ZDBF2: variants seen among roughly 807,000 people sequenced by gnomAD.
ZDBF2 encodes the protein zinc finger DBF-type containing 2, also known as DBF4-type zinc finger-containing protein 2.
In ZDBF2, 6 loss-of-function variants were observed where a neutral mutation model predicts 9.4. The ratio of observed to expected loss-of-function variants is 0.64; its 90% CI spans 0.35 to 1.27. The LOEUF is 1.27. Among genes scored for constraint, ZDBF2 ranks in the 50% most tolerant of loss-of-function variants. The pLI, the probability that ZDBF2 is intolerant of heterozygous loss-of-function variation, is 0.03. For missense variants in ZDBF2, 2,697 were observed against 2,766.8 expected (o/e 0.97, Z 0.57); for synonymous variants, 905 against 946.3 (o/e 0.96, Z 0.80).
intron 4 of ZDBF2, 127 bp downstream of exon 4, chr2:206,297,500 C>G (rs1161066864): frequency 1.1e-6 from 1 of 918,432 alleles, no homozygotes; most frequent in Non-Finnish European, 1.6e-6. Flanking sequence ...ATTTTAGTAA[C>G]TTTCATTTGC....
At chr2:206,292,107 C>T (rs556501959) in intron 3 of ZDBF2, 1 of 398,260 alleles carries the variant, frequency 2.5e-6, no homozygotes, top group Admixed American at 4.4e-5. Context: ...TAATGAAGAA[C>T]AGTGGAAAGG....
intron 4 of ZDBF2, among the ~76,000 whole-genome samples, chr2:206,300,074 A>T (rs1486901157): frequency 3.9e-5 from 6 of 152,036 alleles, no homozygotes; most frequent in Non-Finnish European, 8.8e-5. Context: ...GTGCCATTGC[A>T]CTCCAGCCTG....
chr2:206,306,684 A>T lies in ZDBF2; in HGVS notation c.2156A>T (p.His719Leu), dbSNP rs779052950. ...DSPASLYHSA[H>L]DEPQEALDEV... ...CCGGCTTCTCTTTATCATTCAGCTCATGATGAGCCTCAAGAAGCTTTGGAT... is the reference window on the plus strand; with the variant it reads ...CCGGCTTCTCTTTATCATTCAGCTCTTGATGAGCCTCAAGAAGCTTTGGAT... The change falls in exon 5 of 5, where the codon CAT becomes CTT. Residue 719 changes from histidine to leucine, a missense_variant. By Grantham distance (99) the His-to-Leu change is moderately conservative (BLOSUM62 -3). Coordinates refer to ENST00000374423, the MANE Select transcript of ZDBF2 (RefSeq NM_020923.3). The T allele has an allele frequency of 8.1e-6, 13 of 1,613,768 alleles. No homozygotes were observed. Among genetic ancestry groups the T allele is most frequent in the Non-Finnish European group, 1.1e-5 (13 of 1,179,804 alleles).
intron 3 of ZDBF2, among the ~76,000 whole-genome samples, chr2:206,291,457 T>A (rs942494069): frequency 1.3e-5 from 2 of 152,160 alleles, no homozygotes; most frequent in African/African-American, 4.8e-5. Context: ...GACCAATACC[T>A]AACAGCCCTT....
At position 206,309,945 on chromosome 2, in the gene ZDBF2, A is replaced by G. The variant is rs751919064; in HGVS notation, c.5417A>G (p.Asp1806Gly). 1.2e-6 allele frequency: 2 copies of G among 1,613,880 alleles called. No homozygotes were observed. Among genetic ancestry groups the G allele is most frequent in the South Asian group, 2.2e-5 (2 of 91,042 alleles). The change falls in exon 5 of 5, where the codon GAT becomes GGT. Residue 1806 changes from aspartate (D) to glycine (G), a missense_variant. Coordinates refer to ENST00000374423, the MANE Select transcript of ZDBF2 (RefSeq NM_020923.3). ...DSVRNLKKAK[D>G]VIEDNPDEPV... ...GTAAGGAACCTGAAAAAAGCAAAGG[A>G]TGTCATAGAGGATAATCCTGATGAA...
chr2:206,301,078 A>G (rs545829376), intron 4 of ZDBF2, among the ~76,000 whole-genome samples: 214 of 152,268 alleles, frequency 1.4e-3, no homozygotes, highest in Non-Finnish European at 2.1e-3. Flanking sequence ...AGATATACAT[A>G]CTGATAATCC....
intron 1 of ZDBF2, among the ~76,000 whole-genome samples, 176 bp from the exon 2 acceptor site, chr2:206,279,364 A>G (rs917914603): frequency 7.9e-5 from 12 of 152,178 alleles, no homozygotes; most frequent in African/African-American, 2.7e-4. Context: ...TTAGGAGGTC[A>G]TGTGTGAGAT....
chr2:206,310,446 CACGTTT>C lies in ZDBF2; in HGVS notation c.5921_5926del (p.Arg1974_Leu1975del). On this transcript the variant is annotated inframe_deletion, in exon 5 of 5. Coordinates refer to ENST00000374423, the MANE Select transcript of ZDBF2 (RefSeq NM_020923.3). Reference sequence around the variant, plus strand: ...GAAGACCCACCAAAAAGTAAGTGTTCACGTTTACAGGATGACAGAAAAACCAAAAAG... The same window carrying C: ...GAAGACCCACCAAAAAGTAAGTGTTCACAGGATGACAGAAAAACCAAAAAG... The C allele has an allele frequency of 6.2e-7, 1 of 1,613,890 alleles. No individual in the cohort carries two copies. Among genetic ancestry groups the C allele is most frequent in the Non-Finnish European group, 8.5e-7 (1 of 1,179,860 alleles).
intron 3 of ZDBF2, among the ~76,000 whole-genome samples, chr2:206,287,391 A>G (rs1691657967): frequency 6.6e-6 from 1 of 152,188 alleles, no homozygotes; most frequent in African/African-American, 2.4e-5. Context: ...CTTTCAATAT[A>G]TCATCCCATT....
chr2:206,306,009 C>T lies in ZDBF2; in HGVS notation c.1481C>T (p.Thr494Met), dbSNP rs545833067. Residue 494 changes from threonine (T) to methionine (M), a missense_variant, in exon 5 of 5, where the codon ACG (threonine) becomes ATG (methionine). Coordinates refer to ENST00000374423, the MANE Select transcript of ZDBF2 (RefSeq NM_020923.3). ...AGCTATGAATCTAGTAGTTCTGAAACGAATTTTGATTGTGATGCTTCACCT... is the reference window on the plus strand; with the variant it reads ...AGCTATGAATCTAGTAGTTCTGAAATGAATTTTGATTGTGATGCTTCACCT... Reference protein sequence around the residue: ...DQSYESSSSETNFDCDASPQS... With the variant: ...DQSYESSSSEMNFDCDASPQS... The T allele has an allele frequency of 2.5e-5, 40 of 1,613,156 alleles. No homozygotes were observed. The Admixed American group carries it at 3.8e-4, about 15-fold the overall frequency.
In ZDBF2 at chr2:206,297,408, G is replaced by C. The variant is rs776670423; in HGVS notation, c.188+35G>C. The C allele has an allele frequency of 1.9e-6, 3 of 1,572,950 alleles. No individual in the cohort carries two copies. In the South Asian group the frequency reaches 3.5e-5, roughly 18 times the overall value. ...TTGATTGGAATAATATTTATACGTA[G>C]TTATATGTTACAGTAGGTGTTTGTG... On this transcript the variant is annotated intron_variant, in intron 4 of 4. Coordinates refer to ENST00000374423, the MANE Select transcript of ZDBF2 (RefSeq NM_020923.3).
At chr2:206,277,709 G>A (rs895872) in intron 1 of ZDBF2, among the ~76,000 whole-genome samples, 79,178 of 139,644 alleles carry the variant, frequency 0.57, 22,224 homozygotes, top group Admixed American at 0.63. Context: ...GACATGTCTC[G>A]AAACTCTAGC....
intron 3 of ZDBF2, among the ~76,000 whole-genome samples, chr2:206,288,057 T>C (rs1231428536): frequency 6.6e-6 from 1 of 152,198 alleles, no homozygotes; most frequent in Non-Finnish European, 1.5e-5. Flanking sequence ...GAAATTAGTT[T>C]ATTTTCATTG....
At chr2:206,281,756 G>T in intron 2 of ZDBF2, 45 bp from the exon 3 acceptor site, 1 of 1,185,136 alleles carries the variant, frequency 8.4e-7, no homozygotes, top group Non-Finnish European at 1.2e-6. Context: ...TTCCTCATAA[G>T]AGTAAGGAAT....
Position 206,306,619 on chromosome 2 carries a change from G to C in ZDBF2, c.2091G>C (p.Lys697Asn), listed in dbSNP as rs1379520685. ...RQKVDVDLEN[K>N]SVQSSRSSLS... ...AAGTGGATGTTGACCTTGAGAATAAGAGTGTTCAGTCTAGCCGTTCTTCTC... is the reference window on the plus strand; with the variant it reads ...AAGTGGATGTTGACCTTGAGAATAACAGTGTTCAGTCTAGCCGTTCTTCTC... The change falls in exon 5 of 5, where the codon AAG becomes AAC. Residue 697 changes from lysine to asparagine, a missense_variant. Lys to Asn is a moderately conservative substitution (Grantham distance 94, BLOSUM62 0). Around this residue, in one of 3 missense-constraint regions of ZDBF2, gnomAD observed 910 missense variants for 973.6 expected, o/e 0.93. Transcript: ENST00000374423. 1.6e-5 allele frequency: 26 copies of C among 1,613,628 alleles called. No homozygotes were observed. The highest frequency in any genetic ancestry group is 1.9e-5 in the Non-Finnish European group (22 of 1,179,808).
rs756796374 is a variant in ZDBF2 at position 206,310,361 on chromosome 2, A to G, written c.5833A>G (p.Ser1945Gly). 1.2e-5 allele frequency: 20 copies of G among 1,613,868 alleles called. No homozygotes were observed. In the Admixed American group the frequency reaches 3.3e-4, roughly 27 times the overall value. Residue 1945 changes from serine to glycine, a missense_variant, in exon 5 of 5, where the codon AGT becomes GGT. Physicochemically the swap from Ser to Gly is moderately conservative, Grantham distance 56. Transcript: ENST00000374423. ...ATGCCAGACAGCGAAAATCAGCCAT[A>G]GTACTCAGACCAGTTGTAAGAATTA... ...SQCQTAKISH[S>G]TQTSCKNYPV...
At position 206,311,319 on chromosome 2, in the gene ZDBF2, G is replaced by C; in HGVS notation, c.6791G>C (p.Arg2264Thr). 3 of 1,604,970 alleles carry C rather than the reference G, an allele frequency of 1.9e-6. No individual in the cohort carries two copies. The highest frequency in any genetic ancestry group is 2.2e-5 in the South Asian group (2 of 89,570). The part of the protein sequence containing the change: ...SVVSRLKKAK[R>T]TAKVLLNSSV... Reference sequence around the variant, plus strand: ...GTCAGTAGGCTAAAGAAGGCGAAGAGAACAGCTAAAGTGCTTTTGAACTCT... The same window carrying C: ...GTCAGTAGGCTAAAGAAGGCGAAGACAACAGCTAAAGTGCTTTTGAACTCT... Residue 2264 changes from arginine to threonine, a missense_variant, in exon 5 of 5, where the codon AGA becomes ACA. Physicochemically the swap from Arg to Thr is moderately conservative, Grantham distance 71. Transcript: ENST00000374423.
At position 206,307,507 on chromosome 2, in the gene ZDBF2, T is replaced by C; in HGVS notation, c.2979T>C (p.Thr993=). Residue 993 remains threonine (T), a synonymous_variant, in exon 5 of 5, where the codon ACT becomes ACC. Transcript: ENST00000374423. ...EKHAEFQGRS[T]EFSGSKTSLD... Reference sequence around the variant, plus strand: ...ACGCTGAATTCCAAGGTAGAAGTACTGAATTCAGTGGTTCAAAAACAAGTT... The same window carrying C: ...ACGCTGAATTCCAAGGTAGAAGTACCGAATTCAGTGGTTCAAAAACAAGTT... The C allele has an allele frequency of 6.2e-7, 1 of 1,613,756 alleles. No individual in the cohort carries two copies. Among genetic ancestry groups the C allele is most frequent in the South Asian group, 1.1e-5 (1 of 91,036 alleles).
chr2:206,297,341 G>A lies in ZDBF2; in HGVS notation c.156G>A (p.Leu52=). The A allele has an allele frequency of 1.2e-6, 2 of 1,613,660 alleles. No homozygotes were observed. The highest frequency in any genetic ancestry group is 2.2e-5 in the South Asian group (2 of 91,034). The change falls in exon 4 of 5, where the codon CTG becomes CTA. Residue 52 remains leucine (L), a synonymous_variant. Coordinates refer to ENST00000374423, the MANE Select transcript of ZDBF2 (RefSeq NM_020923.3). ...SLMERFLQDV[L]QHHPYHCQES... ...TGGAACGTTTCTTACAGGATGTACT[G>A]CAGCACCACCCATATCATTGTCAAG...
Sources: allele counts gnomAD v4.1 joint callset (sites outside exome capture counted in the v4.1 genomes callset), GRCh38; gene constraint gnomAD v4.1.1; regional missense constraint gnomAD v4.1.1; transcripts MANE v1.5; gene names NCBI Gene and HGNC (gene_info 2026-07-23, HGNC 2026-07-21).